The following NDRG1 variants were observed in gnomAD, a reference collection of about 807,000 sequenced individuals.
NDRG1 encodes the protein protein NDRG1.
In NDRG1, 32 loss-of-function variants were observed where a neutral mutation model predicts 56.9. The observed-to-expected ratio is 0.56, with a 90% CI of 0.42 to 0.76. The LOEUF (loss-of-function observed/expected upper bound fraction) is 0.76. Among genes scored for constraint, NDRG1 ranks in the 30% least tolerant of loss-of-function variants. The pLI is 0.00. For missense variants in NDRG1, 507 were observed against 545.7 expected (o/e 0.93, Z 0.71); for synonymous variants, 211 against 204.1 (o/e 1.03, Z -0.29).
At chr8:133,295,288 G>T (rs1858682498) in intron 1 of NDRG1, among the ~76,000 whole-genome samples, 1 of 152,190 alleles carries the variant, frequency 6.6e-6, no homozygotes, top group Non-Finnish European at 1.5e-5. Context: ...CAGGCGCTGG[G>T]CCAGGGGCCA....
chr8:133,271,792 A>G (rs1190389507), intron 3 of NDRG1, among the ~76,000 whole-genome samples: 2 of 146,706 alleles, frequency 1.4e-5, no homozygotes, highest in East Asian at 4.0e-4. Flanking sequence ...AAAAAAAAAA[A>G]AAAAAAAAAA....
intron 3 of NDRG1, among the ~76,000 whole-genome samples, chr8:133,269,880 T>G (rs1246523714): frequency 6.6e-6 from 1 of 152,194 alleles, no homozygotes; most frequent in African/African-American, 2.4e-5. Context: ...TATCTGCTGC[T>G]CCCATCCTCC....
At chr8:133,280,750 A>G (rs1857750897) in intron 2 of NDRG1, among the ~76,000 whole-genome samples, 1 of 152,170 alleles carries the variant, frequency 6.6e-6, no homozygotes, top group East Asian at 1.9e-4. Context: ...TTTCCTTTTC[A>G]TCTCAAAATA....
rs549939771 is a variant in NDRG1 at position 133,246,169 on chromosome 8, C to T, written c.855+447G>A. Among the ~76,000 whole-genome samples the T allele has an allele frequency of 4.6e-5, 7 of 152,360 alleles. No individual in the cohort carries two copies. The South Asian group carries it at 1.0e-3, about 23-fold the overall frequency. On this transcript the variant is annotated intron_variant, in intron 13 of 15. Coordinates refer to ENST00000323851, the MANE Select transcript of NDRG1 (RefSeq NM_006096.4). ...TCAGTCATAACTGGCAAAGGACTGG[C>T]GGAGGTTGCTACAGACACTCAAATC...
At chr8:133,283,563 A>G (rs911033438) in intron 2 of NDRG1, among the ~76,000 whole-genome samples, 2 of 152,348 alleles carry the variant, frequency 1.3e-5, no homozygotes, top group South Asian at 2.1e-4. Context: ...GGTTTGCCCA[A>G]AAAGATAATA....
At chr8:133,279,995 A>T (rs932661948) in intron 3 of NDRG1, among the ~76,000 whole-genome samples, 1 of 152,166 alleles carries the variant, frequency 6.6e-6, no homozygotes, top group East Asian at 1.9e-4. Flanking sequence ...GGACTGAAAC[A>T]GGCGGTGTCT....
intron 3 of NDRG1, among the ~76,000 whole-genome samples, chr8:133,274,939 G>C (rs893658098): frequency 6.6e-6 from 1 of 152,186 alleles, no homozygotes; most frequent in Non-Finnish European, 1.5e-5. Context: ...CTCAGTGCTG[G>C]CCTGGCTCAT....
chr8:133,262,294 C>T (rs187299592), intron 4 of NDRG1, 127 bp from the exon 5 acceptor site: 15 of 1,257,998 alleles, frequency 1.2e-5, no homozygotes, highest in East Asian at 7.2e-5. Flanking sequence ...CTTAGAAGAA[C>T]ACAGATGTTG....
intron 9 of NDRG1, among the ~76,000 whole-genome samples, chr8:133,254,036 CA>C (rs1856225094): frequency 7.3e-6 from 1 of 137,082 alleles, no homozygotes; most frequent in African/African-American, 2.7e-5. Context: ...TTAACATGGA[CA>C]AATCTCAAAA....
chr8:133,260,517 C>A, intron 5 of NDRG1, among the ~76,000 whole-genome samples: 1 of 152,164 alleles, frequency 6.6e-6, no homozygotes. Context: ...GGGGGTGGGG[C>A]TCAGGCCTCA....
intron 11 of NDRG1, among the ~76,000 whole-genome samples, chr8:133,248,397 C>T (rs1855813929): frequency 6.6e-6 from 1 of 152,210 alleles, no homozygotes; most frequent in Admixed American, 6.5e-5. Context: ...CCTGTGCTAT[C>T]CATCCCTAGG....
At chr8:133,249,895 T>C (rs1855916395) in intron 10 of NDRG1, among the ~76,000 whole-genome samples, 1 of 152,232 alleles carries the variant, frequency 6.6e-6, no homozygotes, top group Admixed American at 6.5e-5. Flanking sequence ...GCGAGCTCCC[T>C]GGAAGATTAC....
At chr8:133,294,989 T>G (rs1180739688) in intron 1 of NDRG1, among the ~76,000 whole-genome samples, 1 of 152,220 alleles carries the variant, frequency 6.6e-6, no homozygotes, top group Non-Finnish European at 1.5e-5. Context: ...TCCCCATCCC[T>G]GTGCCTCATT....
At chr8:133,261,372 C>T (rs1268545934) in intron 5 of NDRG1, among the ~76,000 whole-genome samples, 1 of 152,132 alleles carries the variant, frequency 6.6e-6, no homozygotes, top group Admixed American at 6.5e-5. Context: ...CCTCGGTGGT[C>T]CGCCCACCTT....
At chr8:133,266,326 C>T (rs935077404) in intron 3 of NDRG1, among the ~76,000 whole-genome samples, 7 of 152,394 alleles carry the variant, frequency 4.6e-5, no homozygotes, top group East Asian at 1.9e-4. Flanking sequence ...GAACACAGAA[C>T]ACTCTAAATG....
At chr8:133,254,944 T>TAA (rs1404322929) in intron 8 of NDRG1, 2 of 360,554 alleles carry the variant, frequency 5.5e-6, no homozygotes, top group Non-Finnish European at 1.1e-5. Flanking sequence ...TCACCTCTTC[T>TAA]AAAAACACAC....
At chr8:133,264,226 T>C (rs1005103138) in intron 4 of NDRG1, among the ~76,000 whole-genome samples, 9 of 152,224 alleles carry the variant, frequency 5.9e-5, no homozygotes, top group African/African-American at 1.9e-4. Flanking sequence ...GATGAAAATG[T>C]TCCAAAATTG....
chr8:133,258,204 A>G (rs569749958), intron 7 of NDRG1, among the ~76,000 whole-genome samples, 162 bp downstream of exon 7: 4 of 151,470 alleles, frequency 2.6e-5, no homozygotes, highest in African/African-American at 9.7e-5. Flanking sequence ...GTGAGTATAT[A>G]TATATACGAG....
In NDRG1 at chr8:133,284,318, G is replaced by A. The variant is rs1300860743; in HGVS notation, c.-7C>T. 6.2e-7 allele frequency: 1 copy of A among 1,614,058 alleles called. No individual in the cohort carries two copies. Among genetic ancestry groups the A allele is most frequent in the Non-Finnish European group, 8.5e-7 (1 of 1,180,030 alleles). On this transcript the variant is annotated 5_prime_UTR_variant, in exon 2 of 16. Coordinates refer to ENST00000323851, the MANE Select transcript of NDRG1 (RefSeq NM_006096.4). ...CCTGCATCTCCCGAGACATGTCCCT[G>A]CTGTCACCTGCCTGCAAGGAGACAA...
Sources: gnomAD v4.1 joint callset for allele counts (sites outside exome capture counted in the v4.1 genomes callset) on GRCh38, gnomAD v4.1.1 for gene constraint, MANE v1.5 for transcripts, NCBI Gene and HGNC (gene_info 2026-07-23, HGNC 2026-07-21) for gene names.